Variants in USP42 observed in about 807,000 individuals in gnomAD.
USP42 encodes the protein ubiquitin specific peptidase 42, also known as ubiquitin carboxyl-terminal hydrolase 42.
A neutral mutation model predicts 113.0 loss-of-function variants in USP42; 23 were observed. The observed-to-expected ratio is 0.20, with a 90% confidence interval of 0.15 to 0.29. The LOEUF is 0.29. Ranked by LOEUF, USP42 falls within the 10% of genes least tolerant of loss-of-function variation. The pLI is 1.00. For synonymous variants in USP42, 933 were observed against 699.0 expected, an observed-to-expected ratio of 1.33 and a Z score of -5.28; for missense variants, 2,174 against 1,779.8, an observed-to-expected ratio of 1.22 and a Z score of -3.99.
In USP42 at chr7:6,111,333, C is replaced by T. The variant is rs1221327750; in HGVS notation, c.200C>T (p.Ser67Phe). ...GGTGCTGTAGTTTATTCGAGTTCAT[C>T]TGTACCTGATAAATCAAAACCATCA... ...VPGAVVYSSS[S>F]VPDKSKPSPQ... The change falls in exon 2 of 18, where the codon TCT becomes TTT. Residue 67 changes from serine (S) to phenylalanine (F), a missense_variant. Coordinates refer to ENST00000306177, the MANE Select transcript of USP42 (RefSeq NM_032172.3). 1 of 1,610,842 alleles carries T rather than the reference C, an allele frequency of 6.2e-7. No individual in the cohort carries two copies. Among genetic ancestry groups the T allele is most frequent in the East Asian group, 2.2e-5 (1 of 44,860 alleles).
At chr7:6,138,514 C>T (rs1562832794) in intron 4 of USP42, among the ~76,000 whole-genome samples, 1 of 152,200 alleles carries the variant, frequency 6.6e-6, no homozygotes, top group Non-Finnish European at 1.5e-5. Context: ...TTGCTAGAAA[C>T]ATGAGTCACT....
Position 6,154,878 on chromosome 7 carries a change from G to C in USP42, c.3324G>C (p.Glu1108Asp), listed in dbSNP as rs904387731. 6.5e-6 allele frequency: 10 copies of C among 1,529,336 alleles called. No individual in the cohort carries two copies. The African/African-American group carries it at 1.4e-4, about 21-fold the overall frequency. 94.7% of individuals were successfully genotyped at this position (1,529,336 alleles called of 1,614,324 possible). A position where few individuals can be genotyped will look rare whatever the true frequency, so the allele number is the denominator to read the frequency against. Residue 1108 changes from glutamate (E) to aspartate (D), a missense_variant, in exon 15 of 18, where the codon GAG becomes GAC. Transcript: ENST00000306177. ...GTAGGGGCTGCGAGCCGGCCCGGGA[G>C]AGGGAGCGGCACCGCCCCAGCAGCC... ...RGRRGCEPAR[E>D]RERHRPSSPR... is the part of the protein sequence containing the mutation.
At chr7:6,150,338 G>T in intron 13 of USP42, 36 bp downstream of exon 13, 2 of 1,606,082 alleles carry the variant, frequency 1.2e-6, no homozygotes, top group Non-Finnish European at 8.5e-7. Flanking sequence ...CTCGTTTGTG[G>T]CGGTTCCCTT....
At chr7:6,119,940 G>A (rs1349577016) in intron 3 of USP42, among the ~76,000 whole-genome samples, 4 of 151,976 alleles carry the variant, frequency 2.6e-5, no homozygotes, top group East Asian at 1.9e-4. Flanking sequence ...ACGCTTAAGC[G>A]GTTCTCTTGC....
intron 3 of USP42, among the ~76,000 whole-genome samples, chr7:6,127,605 C>T (rs1209945478): frequency 7.2e-5 from 11 of 152,076 alleles, no homozygotes; most frequent in Non-Finnish European, 1.6e-4. Context: ...GTGTGTCTGT[C>T]TCCAGGTTTC....
At chr7:6,145,122 A>T (rs1781640557) in intron 9 of USP42, among the ~76,000 whole-genome samples, 1 of 152,072 alleles carries the variant, frequency 6.6e-6, no homozygotes, top group African/African-American at 2.4e-5. Context: ...TCACGAGGTC[A>T]GGCGTTCAAG....
chr7:6,092,032 C>CTTTTCCTCTTCTTCTTCTTCTT, the USP42 span, among the ~76,000 whole-genome samples: 2 of 109,960 alleles, frequency 1.8e-5, no homozygotes, highest in Admixed American at 2.0e-4. Context: ...TCTTCTTCTT[C>CTTTTCCTCTTCTTCTTCTTCTT]TTCTTCTTCT....
chr7:6,145,458 A>G (rs573840712), intron 9 of USP42, 58 bp from the exon 10 acceptor site: 1 of 1,607,508 alleles, frequency 6.2e-7, no homozygotes, highest in African/African-American at 1.3e-5. Context: ...CCTCTACCTG[A>G]ATATGTGGAA....
chr7:6,109,187 T>C (rs1779455689), intron 1 of USP42, among the ~76,000 whole-genome samples: 1 of 151,492 alleles, frequency 6.6e-6, no homozygotes. Context: ...GGTGGAAGGT[T>C]GGAAAAGAGT....
chr7:6,154,932 C>T lies in USP42; in HGVS notation c.3378C>T (p.Ala1126=), dbSNP rs770789648. ...GCGCAGGCGCGCCCCACGCCCTCGC[C>T]CCGCACCCCGACCGCTTCTCCCACG... ...SPRAGAPHAL[A]PHPDRFSHDR... The change falls in exon 15 of 18, where the codon GCC becomes GCT. Residue 1126 remains alanine (A), a synonymous_variant. Coordinates refer to ENST00000306177, the MANE Select transcript of USP42 (RefSeq NM_032172.3). The T allele has an allele frequency of 1.4e-5, 21 of 1,551,378 alleles. No individual in the cohort carries two copies. Among genetic ancestry groups the T allele is most frequent in the Non-Finnish European group, 1.8e-5 (21 of 1,147,172 alleles).
chr7:6,139,789 CT>C lies in USP42; in HGVS notation c.657-335del. The stretch of plus-strand genomic sequence containing the variant: ...CTTGGGTCGGAGGAAGACTCTCTGC[CT>C]TTTCCGCCTCCGCTCCCTTTCCTCC... On this transcript the variant is annotated intron_variant, in intron 5 of 17. Coordinates refer to ENST00000306177, the MANE Select transcript of USP42 (RefSeq NM_032172.3). The surrounding 1 kb of genome is among the most constrained non-coding windows in gnomAD (Gnocchi z 4.5). 1.3e-5 allele frequency: 5 copies of C among 387,956 alleles called. No homozygotes were observed. Among genetic ancestry groups the C allele is most frequent in the East Asian group, 6.0e-5 (1 of 16,602 alleles). 24.0% of individuals were successfully genotyped at this position (387,956 alleles called of 1,614,324 possible). A position where few individuals can be genotyped will look rare whatever the true frequency, so the allele number is the denominator to read the frequency against.
chr7:6,118,399 A>G (rs571609530), intron 3 of USP42, among the ~76,000 whole-genome samples: 22 of 152,162 alleles, frequency 1.4e-4, no homozygotes, highest in Non-Finnish European at 2.6e-4. Context: ...GTGTGCGCCT[A>G]TAGTCCCAGC....
At chr7:6,116,115 A>C (rs1251336179) in intron 3 of USP42, among the ~76,000 whole-genome samples, 2 of 151,454 alleles carry the variant, frequency 1.3e-5, no homozygotes, top group African/African-American at 2.4e-5. Flanking sequence ...AAAAAAAAAA[A>C]AAAAAACGTC....
At chr7:6,105,787 A>C (rs536280601) in intron 1 of USP42, among the ~76,000 whole-genome samples, 25 of 152,338 alleles carry the variant, frequency 1.6e-4, no homozygotes, top group South Asian at 4.1e-4. Context: ...GTTGGAAATG[A>C]AAATTGGACG....
At chr7:6,117,218 C>T (rs1024992829) in intron 3 of USP42, among the ~76,000 whole-genome samples, 46 of 152,080 alleles carry the variant, frequency 3.0e-4, no homozygotes, top group African/African-American at 9.7e-4. Flanking sequence ...CCCTCCTGCC[C>T]GGCAACCACT....
chr7:6,111,643 C>T (rs998979373), intron 2 of USP42, among the ~76,000 whole-genome samples: 1 of 150,594 alleles, frequency 6.6e-6, no homozygotes, highest in African/African-American at 2.5e-5. Flanking sequence ...CGCTCTGTCA[C>T]CCAGGCTGGA....
In USP42 at chr7:6,150,313, G is replaced by T. The variant is rs369951067; in HGVS notation, c.2106+11G>T. On this transcript the variant is annotated intron_variant, in intron 13 of 17. Transcript: ENST00000306177. Reference sequence around the variant, plus strand: ...GGTCTTCCTGGAAAGGTGAGTGCACGTCAGGGTCTTCAGCCTCGTTTGTGG... The same window carrying T: ...GGTCTTCCTGGAAAGGTGAGTGCACTTCAGGGTCTTCAGCCTCGTTTGTGG... The T allele has an allele frequency of 6.2e-7, 1 of 1,612,012 alleles. No individual in the cohort carries two copies. The highest frequency in any genetic ancestry group is 1.3e-5 in the African/African-American group (1 of 74,894).
chr7:6,153,670 T>C, intron 14 of USP42, 86 bp from the exon 15 acceptor site: 4 of 1,356,282 alleles, frequency 2.9e-6, no homozygotes, highest in Non-Finnish European at 3.8e-6. Flanking sequence ...CAAATGAACG[T>C]TTTGAAGTAT....
chr7:6,128,497 C>T (rs937908085), intron 3 of USP42, among the ~76,000 whole-genome samples: 41 of 152,108 alleles, frequency 2.7e-4, no homozygotes, highest in Admixed American at 1.5e-3. Context: ...TACTTTCAGC[C>T]TGCCTGTGTC....
Sources: allele counts gnomAD v4.1 joint callset (sites outside exome capture counted in the v4.1 genomes callset), GRCh38; gene constraint gnomAD v4.1.1; non-coding constraint Gnocchi (gnomAD v3.1); transcripts MANE v1.5; gene names NCBI Gene and HGNC (gene_info 2026-07-23, HGNC 2026-07-21).